Variants in SFT2D2 observed in about 807,000 individuals in gnomAD.
SFT2D2 encodes vesicle transport protein SFT2B.
A neutral mutation model predicts 27.4 loss-of-function variants in SFT2D2; 21 were observed. The observed-to-expected ratio is 0.77, with a 90% CI of 0.54 to 1.10. SFT2D2 has a LOEUF of 1.10. Among genes scored for constraint, SFT2D2 ranks in the 50% least tolerant of loss-of-function variants. The probability of loss-of-function intolerance (pLI) is 0.00; values close to 1 mark genes in which losing one functional copy is unlikely to be tolerated. For synonymous variants in SFT2D2, 72 were observed against 71.7 expected, an observed-to-expected ratio of 1.00 and a Z score of -0.02; for missense variants, 187 against 194.2, an observed-to-expected ratio of 0.96 and a Z score of 0.22.
At chr1:168,241,205 CTTTTTTT>C (rs11387591) in intron 7 of SFT2D2, among the ~76,000 whole-genome samples, 1 of 100,156 alleles carries the variant, frequency 1.0e-5, no homozygotes, top group Non-Finnish European at 1.9e-5. Context: ...CCCTTCTATT[CTTTTTTT>C]TTTTTTTTTT....
At chr1:168,239,214 C>T (rs1647583662) in intron 7 of SFT2D2, 54 bp downstream of exon 7, 7 of 1,363,832 alleles carry the variant, frequency 5.1e-6, no homozygotes, top group East Asian at 2.3e-5. Context: ...TCAGAGTCTG[C>T]TTTCAGAGAG....
At chr1:168,235,451 G>C (rs1647468931) in intron 4 of SFT2D2, among the ~76,000 whole-genome samples, 1 of 152,188 alleles carries the variant, frequency 6.6e-6, no homozygotes, top group Non-Finnish European at 1.5e-5. Flanking sequence ...AGCCACAGTG[G>C]TGTGGTGGTA....
At chr1:168,231,405 T>C in intron 1 of SFT2D2, 109 bp from the exon 2 acceptor site, 1 of 863,496 alleles carries the variant, frequency 1.2e-6, no homozygotes, top group South Asian at 1.5e-5. Context: ...TAGGATTCTG[T>C]GCTCCTTGCC....
In SFT2D2 at chr1:168,252,694, C is replaced by CAT. The variant is rs1475527811; in HGVS notation, c.*10157_*10158dup. The CAT allele has an allele frequency of 6.6e-6, 1 of 152,158 alleles. No homozygotes were observed. The highest frequency in any genetic ancestry group is 1.5e-5 in the Non-Finnish European group (1 of 68,034). The allele number at this position is 152,158 out of a possible 1,614,324, so 9.4% of individuals were successfully genotyped here. On this transcript the variant is annotated 3_prime_UTR_variant, in exon 8 of 8. Transcript: ENST00000271375. The stretch of plus-strand genomic sequence containing the variant: ...GACATTCAAAAGCCCATGGTGAATG[C>CAT]ATATGCCTTTAGAATATTGTGCCTG...
intron 7 of SFT2D2, 23 bp from the exon 8 acceptor site, chr1:168,242,478 T>A: frequency 6.2e-7 from 1 of 1,613,780 alleles, no homozygotes; most frequent in Non-Finnish European, 8.5e-7. Context: ...GTTCCACTCA[T>A]CTTTGTGTCT....
chr1:168,231,642 C>T, intron 2 of SFT2D2, 42 bp downstream of exon 2: 4 of 1,584,800 alleles, frequency 2.5e-6, no homozygotes, highest in Non-Finnish European at 3.5e-6. Context: ...TTCTACCTGT[C>T]TTTGCTATAT....
rs1187483166 is a variant in SFT2D2, at chr1:168,252,621, T to G, written c.*10081T>G. On this transcript the variant is annotated 3_prime_UTR_variant, in exon 8 of 8. Coordinates refer to ENST00000271375, the MANE Select transcript of SFT2D2 (RefSeq NM_199344.3). ...AAAAAAAAAATAGCCCTCTGAACTC[T>G]GATCTTTTGCCGCTTCTGTAGATTT... The G allele has an allele frequency of 6.6e-6, 1 of 152,228 alleles. No homozygotes were observed. Among genetic ancestry groups the G allele is most frequent in the Non-Finnish European group, 1.5e-5 (1 of 68,034 alleles). 9.4% of individuals were successfully genotyped at this position (152,228 alleles called of 1,614,324 possible).
intron 1 of SFT2D2, among the ~76,000 whole-genome samples, chr1:168,229,949 AGATCTTAACACTG>A: frequency 6.6e-6 from 1 of 152,344 alleles, no homozygotes; most frequent in East Asian, 1.9e-4. Flanking sequence ...CTCATCTGTC[AGATCTTAACACTG>A]GGCCCCTGCT....
At position 168,247,061 on chromosome 1, in the gene SFT2D2, T is replaced by C. The variant is rs1647835936; in HGVS notation, c.*4521T>C. On this transcript the variant is annotated 3_prime_UTR_variant, in exon 8 of 8. Coordinates refer to ENST00000271375, the MANE Select transcript of SFT2D2 (RefSeq NM_199344.3). ...TTGTTCCCATTCAAGTTTTTGATATTCTGTGATATTTCTTTTTTTTCAGAT... is the reference window on the plus strand; with the variant it reads ...TTGTTCCCATTCAAGTTTTTGATATCCTGTGATATTTCTTTTTTTTCAGAT... The C allele has an allele frequency of 2.4e-6, 1 of 413,220 alleles. No homozygotes were observed. Among genetic ancestry groups the C allele is most frequent in the African/African-American group, 2.1e-5 (1 of 47,496 alleles). 25.6% of individuals were successfully genotyped at this position (413,220 alleles called of 1,614,324 possible).
chr1:168,230,020 C>T (rs1700497182), intron 1 of SFT2D2, among the ~76,000 whole-genome samples: 1 of 152,190 alleles, frequency 6.6e-6, no homozygotes. Context: ...GTCATGAGCC[C>T]AGTTCCATAT....
chr1:168,231,897 G>A lies in SFT2D2; in HGVS notation c.214G>A (p.Gly72Ser). The A allele has an allele frequency of 6.2e-7, 1 of 1,614,018 alleles. No individual in the cohort carries two copies. Among genetic ancestry groups the A allele is most frequent in the East Asian group, 2.2e-5 (1 of 44,876 alleles). ...LHLFAVFYTF[G>S]NIASIGSTIF... The stretch of plus-strand genomic sequence containing the variant: ...CCTCTTCGCAGTGTTTTATACCTTT[G>A]GTAATATCGCATCAATTGGGAGGTA... Residue 72 changes from glycine to serine, a missense_variant, in exon 3 of 8, where the codon GGT (glycine) becomes AGT (serine). Physicochemically the swap from Gly to Ser is moderately conservative, Grantham distance 56. Coordinates refer to ENST00000271375, the MANE Select transcript of SFT2D2 (RefSeq NM_199344.3).
chr1:168,226,230 C>T lies in SFT2D2; in HGVS notation c.63+88C>T, dbSNP rs1185534357. 5.1e-6 allele frequency: 6 copies of T among 1,178,166 alleles called. No individual in the cohort carries two copies. The Admixed American group carries it at 1.1e-4, about 22-fold the overall frequency. 73.0% of individuals were successfully genotyped at this position (1,178,166 alleles called of 1,614,324 possible). A position where few individuals can be genotyped will look rare whatever the true frequency, so the allele number is the denominator to read the frequency against. ...GGCCTGGGAAGCCTGCGGGGACTCC[C>T]TGGAGTTTCTGGACGGTAGCTCTGC... is the stretch of plus-strand genomic sequence containing the variant. On this transcript the variant is annotated intron_variant, in intron 1 of 7. Coordinates refer to ENST00000271375, the MANE Select transcript of SFT2D2 (RefSeq NM_199344.3).
chr1:168,236,042 C>T (rs561583797), intron 4 of SFT2D2, among the ~76,000 whole-genome samples: 1 of 152,322 alleles, frequency 6.6e-6, no homozygotes, highest in South Asian at 2.1e-4. Flanking sequence ...TGGCTGACTG[C>T]TCTAGCACCA....
At position 168,238,257 on chromosome 1, in the gene SFT2D2, C is replaced by A. The variant is rs144778365; in HGVS notation, c.414-874C>A. On this transcript the variant is annotated intron_variant, in intron 6 of 7. Transcript: ENST00000271375. Reference sequence around the variant, plus strand: ...TAGTTGGTAGCATTTTTTTCTTCTTCTTTTTTATTCTCTTTTCTCTTCTTT... The same window carrying A: ...TAGTTGGTAGCATTTTTTTCTTCTTATTTTTTATTCTCTTTTCTCTTCTTT... Among the ~76,000 whole-genome samples, 215 of 152,108 alleles carry A rather than the reference C, an allele frequency of 1.4e-3. 1 individual carries two copies. The highest frequency in any genetic ancestry group is 5.4e-3 in the Admixed American group (82 of 15,286).
At chr1:168,226,182 T>C (rs1423245013) in intron 1 of SFT2D2, 40 bp downstream of exon 1, 2 of 1,512,708 alleles carry the variant, frequency 1.3e-6, no homozygotes, top group African/African-American at 1.4e-5. Flanking sequence ...CTCGCCGCGC[T>C]CCCGCCCTGC....
chr1:168,226,032 G>C lies in SFT2D2; in HGVS notation c.-48G>C. Reference sequence around the variant, plus strand: ...CGGAAGAGCCGTCAACTTAGCGAGCGCAACAGGCTGCCGCTGAGGAGCTGG... The same window carrying C: ...CGGAAGAGCCGTCAACTTAGCGAGCCCAACAGGCTGCCGCTGAGGAGCTGG... On this transcript the variant is annotated 5_prime_UTR_variant, in exon 1 of 8. Coordinates refer to ENST00000271375, the MANE Select transcript of SFT2D2 (RefSeq NM_199344.3). 1.4e-6 allele frequency: 2 copies of C among 1,463,776 alleles called. No homozygotes were observed. Among genetic ancestry groups the C allele is most frequent in the Non-Finnish European group, 1.8e-6 (2 of 1,099,592 alleles). 90.7% of individuals were successfully genotyped at this position (1,463,776 alleles called of 1,614,324 possible).
Position 168,250,230 on chromosome 1 carries a change from A to G in SFT2D2, c.*7690A>G, listed in dbSNP as rs781404721. 4 of 152,090 alleles carry G rather than the reference A, an allele frequency of 2.6e-5. No homozygotes were observed. Among genetic ancestry groups the G allele is most frequent in the Non-Finnish European group, 5.9e-5 (4 of 68,006 alleles). 9.4% of individuals were successfully genotyped at this position (152,090 alleles called of 1,614,324 possible). A position where few individuals can be genotyped will look rare whatever the true frequency, so the allele number is the denominator to read the frequency against. ...CAGGGTCTTCCTGCGTTTTTCCTTA[A>G]GTTGCCTTATTCTTTGGTTGTTTCC... is the stretch of plus-strand genomic sequence containing the variant. On this transcript the variant is annotated 3_prime_UTR_variant, in exon 8 of 8. Transcript: ENST00000271375.
At chr1:168,236,794 C>T (rs945375407) in intron 6 of SFT2D2, 24 bp downstream of exon 6, 2 of 1,610,970 alleles carry the variant, frequency 1.2e-6, no homozygotes, top group African/African-American at 2.7e-5. Context: ...TAAACAATCC[C>T]CTCCCACATA....
rs148121357 is a variant in SFT2D2, at chr1:168,233,630, T to C, written c.237-1471T>C. Among the ~76,000 whole-genome samples the C allele has an allele frequency of 3.5e-4, 54 of 152,234 alleles. No homozygotes were observed. In the East Asian group the frequency reaches 9.5e-3, roughly 27 times the overall value. ...TTGTTGCCTGTAAAGCTTTCTCCAATACTAACTTTGGGTGGGGGGGTGTTT... is the reference window on the plus strand; with the variant it reads ...TTGTTGCCTGTAAAGCTTTCTCCAACACTAACTTTGGGTGGGGGGGTGTTT... On this transcript the variant is annotated intron_variant, in intron 3 of 7. Coordinates refer to ENST00000271375, the MANE Select transcript of SFT2D2 (RefSeq NM_199344.3).
Sources: allele counts gnomAD v4.1 joint callset (sites outside exome capture counted in the v4.1 genomes callset), GRCh38; gene constraint gnomAD v4.1.1; transcripts MANE v1.5; gene names NCBI Gene and HGNC (gene_info 2026-07-23, HGNC 2026-07-21).